Variants in FBXO34 observed in about 807,000 individuals in gnomAD.
FBXO34 encodes the protein F-box only protein 34.
Under a neutral mutation model 24.5 loss-of-function variants are expected in FBXO34, and 12 were observed. The ratio of observed to expected loss-of-function variants is 0.49; its 90% CI spans 0.31 to 0.79. The LOEUF (loss-of-function observed/expected upper bound fraction) is 0.79, where lower values mean the gene tolerates loss of function less well. Among genes scored for constraint, FBXO34 ranks in the 30% least tolerant of loss-of-function variants. FBXO34 has a pLI of 0.04. For missense variants in FBXO34, 823 were observed against 857.7 expected (o/e 0.96, Z 0.51); for synonymous variants, 320 against 311.9 (o/e 1.03, Z -0.27).
chr14:55,396,107 T>C, the FBXO34 span: 8 of 644,520 alleles, frequency 1.2e-5, no homozygotes, highest in East Asian at 2.6e-4. Flanking sequence ...AAACGGGACT[T>C]AGCATTTAAA....
the FBXO34 span, among the ~76,000 whole-genome samples, chr14:55,433,473 T>G: frequency 6.6e-6 from 1 of 151,928 alleles, no homozygotes; most frequent in African/African-American, 2.4e-5. Flanking sequence ...TTTATAGGAG[T>G]GTTTTTAACC....
chr14:55,327,006 T>C (rs190050557), intron 1 of FBXO34, among the ~76,000 whole-genome samples: 19 of 152,222 alleles, frequency 1.2e-4, no homozygotes, highest in African/African-American at 4.6e-4. Context: ...AGATGTACCA[T>C]GGACACATGT....
chr14:55,412,563 TA>T, the FBXO34 span, among the ~76,000 whole-genome samples: 1 of 152,172 alleles, frequency 6.6e-6, no homozygotes, highest in East Asian at 1.9e-4. Context: ...TTTTGGTGGA[TA>T]GGGGATATAT....
rs143884082 is a variant in FBXO34 at position 55,296,047 on chromosome 14, T to C, written c.-11+24510T>C. On this transcript the variant is annotated intron_variant, in intron 1 of 1. Coordinates refer to ENST00000313833, the MANE Select transcript of FBXO34 (RefSeq NM_017943.4). Reference sequence around the variant, plus strand: ...TTGCACCTGTAATCCCAGCTACTTGTGAGGCTGAGGTTGGGAGGATCTTTT... The same window carrying C: ...TTGCACCTGTAATCCCAGCTACTTGCGAGGCTGAGGTTGGGAGGATCTTTT... Among the ~76,000 whole-genome samples, 1,342 of 152,258 alleles carry C rather than the reference T, an allele frequency of 8.8e-3. 4 individuals are homozygous for C. The highest frequency in any genetic ancestry group is 0.014 in the Non-Finnish European group (928 of 68,004).
chr14:55,440,353 C>A, the FBXO34 span: 1 of 1,609,792 alleles, frequency 6.2e-7, no homozygotes, highest in Non-Finnish European at 8.5e-7. Flanking sequence ...CAGGACCGGG[C>A]GGGACTTGGG....
At chr14:55,356,123 T>A (rs1884518902), downstream of FBXO34, among the ~76,000 whole-genome samples, 1 of 152,228 alleles carries the variant, frequency 6.6e-6, no homozygotes, top group South Asian at 2.1e-4. Flanking sequence ...CTTTGTCCAA[T>A]CACCGCTTCT....
intron 1 of FBXO34, among the ~76,000 whole-genome samples, chr14:55,272,798 A>T (rs1209747365): frequency 1.3e-5 from 2 of 152,110 alleles, no homozygotes; most frequent in African/African-American, 4.8e-5. Context: ...TTGCTTTCTT[A>T]CTGAGACCCG....
chr14:55,406,574 T>C, the FBXO34 span, among the ~76,000 whole-genome samples: 1 of 152,218 alleles, frequency 6.6e-6, no homozygotes, highest in Admixed American at 6.5e-5. Flanking sequence ...TTCTCCTCTG[T>C]ATTGCCAGAA....
At chr14:55,276,112 C>G (rs1480882573) in intron 1 of FBXO34, among the ~76,000 whole-genome samples, 1 of 152,118 alleles carries the variant, frequency 6.6e-6, no homozygotes, top group Admixed American at 6.5e-5. Flanking sequence ...AGGGACAACC[C>G]GAATACCTTT....
intron 1 of FBXO34, among the ~76,000 whole-genome samples, chr14:55,323,727 T>G (rs1883248045): frequency 6.6e-6 from 1 of 152,136 alleles, no homozygotes; most frequent in South Asian, 2.1e-4. Flanking sequence ...CACTCAGAGA[T>G]CCAGTTTTCT....
chr14:55,442,999 G>A, the FBXO34 span, among the ~76,000 whole-genome samples: 2 of 152,182 alleles, frequency 1.3e-5, no homozygotes, highest in Admixed American at 1.3e-4. Context: ...CTTGATCTTG[G>A]ACTTCCAGCC....
At position 55,345,660 on chromosome 14, in the gene FBXO34, C is replaced by T. The variant is rs191576725; in HGVS notation, c.-10-4721C>T. Among the ~76,000 whole-genome samples the T allele has an allele frequency of 1.6e-4, 24 of 152,274 alleles. No homozygotes were observed. In the East Asian group the frequency reaches 4.1e-3, roughly 26 times the overall value. ...TCAAGGGCAGCAACTATGTTTTACT[C>T]ATATTTATACCAGTGTCTAGCCCAG... On this transcript the variant is annotated intron_variant, in intron 1 of 1. Transcript: ENST00000313833.
At chr14:55,374,340 C>T (rs1279979200), downstream of FBXO34, among the ~76,000 whole-genome samples, 1 of 152,142 alleles carries the variant, frequency 6.6e-6, no homozygotes, top group East Asian at 1.9e-4. Context: ...TGACTACTTA[C>T]ATTTCTTGTG....
chr14:55,434,522 G>C, the FBXO34 span, among the ~76,000 whole-genome samples: 1 of 152,176 alleles, frequency 6.6e-6, no homozygotes, highest in Non-Finnish European at 1.5e-5. Flanking sequence ...AGTTCAGAGA[G>C]ATCCTATACA....
chr14:55,307,599 C>T (rs551787514), intron 1 of FBXO34, among the ~76,000 whole-genome samples: 1 of 152,188 alleles, frequency 6.6e-6, no homozygotes, highest in South Asian at 2.1e-4. Flanking sequence ...GAAAGAATGG[C>T]TGGCGATTTG....
chr14:55,396,192 C>T, the FBXO34 span, among the ~76,000 whole-genome samples: 1 of 152,140 alleles, frequency 6.6e-6, no homozygotes, highest in Non-Finnish European at 1.5e-5. Context: ...TTGCTAAGAG[C>T]CTTTCTACAA....
At chr14:55,305,148 C>T (rs956220874) in intron 1 of FBXO34, among the ~76,000 whole-genome samples, 1 of 152,228 alleles carries the variant, frequency 6.6e-6, no homozygotes, top group African/African-American at 2.4e-5. Flanking sequence ...CCTGATGGCT[C>T]ATGCCTATAA....
chr14:55,349,114 A>C (rs1381131842), intron 1 of FBXO34, among the ~76,000 whole-genome samples: 2 of 152,000 alleles, frequency 1.3e-5, no homozygotes, highest in Non-Finnish European at 1.5e-5. Flanking sequence ...TCTTTCCTCA[A>C]TCCAGGGTGT....
At chr14:55,440,398 G>T in the FBXO34 span, 4 of 1,613,052 alleles carry the variant, frequency 2.5e-6, no homozygotes, top group South Asian at 4.4e-5. Flanking sequence ...AGCCTCACCT[G>T]AGCGGCGCAC....
Sources: allele counts gnomAD v4.1 joint callset (sites outside exome capture counted in the v4.1 genomes callset), GRCh38; gene constraint gnomAD v4.1.1; transcripts MANE v1.5; gene names NCBI Gene and HGNC (gene_info 2026-07-23, HGNC 2026-07-21).